Variants in OPCML observed in about 807,000 individuals in gnomAD.
OPCML encodes the protein opioid binding protein/cell adhesion molecule like.
In OPCML, 13 loss-of-function variants were observed where a neutral mutation model predicts 37.8. That is an observed-to-expected ratio of 0.34 (90% confidence interval 0.22 to 0.55). The LOEUF is 0.55. Ranked by LOEUF, OPCML falls within the 20% of genes least tolerant of loss-of-function variation. The pLI, the probability that OPCML is intolerant of heterozygous loss-of-function variation, is 0.91. For synonymous variants in OPCML, 176 were observed against 168.8 expected (o/e 1.04, Z -0.33); for missense variants, 341 against 435.6 (o/e 0.78, Z 1.93).
At chr11:132,707,890 C>G (rs1426402776) in intron 2 of OPCML, among the ~76,000 whole-genome samples, 2 of 151,918 alleles carry the variant, frequency 1.3e-5, no homozygotes, top group African/African-American at 2.4e-5. Flanking sequence ...AACCATTGAG[C>G]CTGAAAACAG....
chr11:132,588,932 T>C (rs1204930987), intron 3 of OPCML, among the ~76,000 whole-genome samples: 2 of 152,178 alleles, frequency 1.3e-5, no homozygotes, highest in Non-Finnish European at 2.9e-5. Context: ...TCTAACATAA[T>C]CTGCCCAAAC....
At chr11:133,193,899 G>T (rs897832390) in intron 1 of OPCML, among the ~76,000 whole-genome samples, 1 of 152,090 alleles carries the variant, frequency 6.6e-6, no homozygotes, top group Admixed American at 6.6e-5. Context: ...TGTCCTATAT[G>T]CCCCATAATG....
chr11:133,371,368 T>C (rs1037163327), intron 1 of OPCML, among the ~76,000 whole-genome samples: 1 of 152,248 alleles, frequency 6.6e-6, no homozygotes, highest in Non-Finnish European at 1.5e-5. Flanking sequence ...TGCATGTTTA[T>C]TGCAGCACTA....
chr11:132,960,383 G>A (rs143071391), intron 1 of OPCML, among the ~76,000 whole-genome samples: 3 of 152,276 alleles, frequency 2.0e-5, no homozygotes, highest in African/African-American at 7.2e-5. Flanking sequence ...GGAATCCCAC[G>A]TGTGTAAAAA....
chr11:133,270,535 T>C (rs1271731730), intron 1 of OPCML, among the ~76,000 whole-genome samples: 1 of 152,182 alleles, frequency 6.6e-6, no homozygotes, highest in African/African-American at 2.4e-5. Context: ...TTGGCTTCCA[T>C]TTAAAATAGA....
chr11:132,625,431 C>T (rs1194241153), intron 3 of OPCML, among the ~76,000 whole-genome samples: 7 of 152,242 alleles, frequency 4.6e-5, no homozygotes, highest in East Asian at 3.9e-4. Context: ...CACTAATATC[C>T]GCCATGTTAT....
chr11:132,589,875 G>A (rs537139887), intron 3 of OPCML, among the ~76,000 whole-genome samples: 1 of 152,354 alleles, frequency 6.6e-6, no homozygotes, highest in South Asian at 2.1e-4. Flanking sequence ...AAGGGCCAGA[G>A]AGAGTAACTA....
At chr11:133,511,704 T>A (rs1948163838) in intron 1 of OPCML, among the ~76,000 whole-genome samples, 2 of 152,058 alleles carry the variant, frequency 1.3e-5, no homozygotes, top group Admixed American at 6.5e-5. Context: ...TGATGTACTT[T>A]TTTTTTTTGC....
intron 1 of OPCML, among the ~76,000 whole-genome samples, chr11:133,363,870 C>T (rs546245200): frequency 1.3e-5 from 2 of 152,314 alleles, no homozygotes; most frequent in East Asian, 3.9e-4. Context: ...GCATGGTACC[C>T]AAGAACCTAC....
chr11:133,209,885 AT>A (rs1446683735), intron 1 of OPCML, among the ~76,000 whole-genome samples: 1 of 152,252 alleles, frequency 6.6e-6, no homozygotes, highest in Non-Finnish European at 1.5e-5. Context: ...TTATTAATAA[AT>A]AACTTCCATA....
intron 2 of OPCML, among the ~76,000 whole-genome samples, chr11:132,828,565 AT>A (rs200277455): frequency 0.074 from 11,308 of 152,040 alleles, 548 homozygotes; most frequent in African/African-American, 0.13. Context: ...AAAAAAGTCT[AT>A]TTATTTTAAA....
At chr11:133,391,565 C>T (rs1945174660) in intron 1 of OPCML, among the ~76,000 whole-genome samples, 1 of 152,186 alleles carries the variant, frequency 6.6e-6, no homozygotes, top group East Asian at 1.9e-4. Flanking sequence ...TCTGCTGAGC[C>T]ACCATATCCC....
intron 2 of OPCML, among the ~76,000 whole-genome samples, chr11:132,905,460 T>C (rs1944208060): frequency 6.6e-6 from 1 of 152,054 alleles, no homozygotes; most frequent in African/African-American, 2.4e-5. Context: ...CTCAAACTCC[T>C]GACCTCAGGT....
chr11:132,498,239 GA>G (rs2096237478), intron 4 of OPCML, among the ~76,000 whole-genome samples: 1 of 152,172 alleles, frequency 6.6e-6, no homozygotes, highest in African/African-American at 2.4e-5. Flanking sequence ...GAGGTTCAAG[GA>G]GAAATAAAAC....
At chr11:133,010,836 C>A (rs2136873673) in intron 1 of OPCML, among the ~76,000 whole-genome samples, 1 of 152,236 alleles carries the variant, frequency 6.6e-6, no homozygotes, top group Admixed American at 6.5e-5. Context: ...GCCACCAAAT[C>A]CTGAAATAAC....
chr11:133,163,769 C>T (rs1295030501), intron 1 of OPCML, among the ~76,000 whole-genome samples: 6 of 152,150 alleles, frequency 3.9e-5, no homozygotes, highest in Non-Finnish European at 7.3e-5. Flanking sequence ...CCTTTAATTC[C>T]GCTATAATTA....
At chr11:132,692,045 G>A (rs916347291) in intron 2 of OPCML, among the ~76,000 whole-genome samples, 4 of 152,112 alleles carry the variant, frequency 2.6e-5, no homozygotes, top group East Asian at 1.9e-4. Context: ...TTCAATCAGC[G>A]TTAATCTAAC....
chr11:133,181,062 T>C (rs1937803300), intron 1 of OPCML, among the ~76,000 whole-genome samples: 1 of 152,182 alleles, frequency 6.6e-6, no homozygotes, highest in African/African-American at 2.4e-5. Context: ...CAAACTTAGA[T>C]ACTGCAAAAT....
At chr11:133,354,660 T>A (rs914754736) in intron 1 of OPCML, among the ~76,000 whole-genome samples, 1 of 152,206 alleles carries the variant, frequency 6.6e-6, no homozygotes, top group African/African-American at 2.4e-5. Flanking sequence ...TGCAGTATTT[T>A]CTGTGTACTC....
Sources: allele counts gnomAD v4.1 joint callset (sites outside exome capture counted in the v4.1 genomes callset), GRCh38; gene constraint gnomAD v4.1.1; transcripts MANE v1.5; gene names NCBI Gene and HGNC (gene_info 2026-07-23, HGNC 2026-07-21).